VAC14: variants seen among roughly 807,000 people sequenced by gnomAD.
VAC14 encodes protein VAC14 homolog.
VAC14 carries 47 observed loss-of-function variants against 85.3 expected under a neutral mutation model. The ratio of observed to expected loss-of-function variants is 0.55; its 90% CI spans 0.44 to 0.70. VAC14 has a LOEUF of 0.70. Ranked by LOEUF, VAC14 falls within the 30% of genes least tolerant of loss-of-function variation. The pLI is 0.00. For missense variants in VAC14, 861 were observed against 1,004.3 expected (o/e 0.86, Z 1.93); for synonymous variants, 447 against 430.5 (o/e 1.04, Z -0.47).
At chr16:70,692,709 T>A (rs2053622004) in intron 18 of VAC14, 112 bp downstream of exon 18, 1 of 1,432,608 alleles carries the variant, frequency 7.0e-7, no homozygotes, top group Non-Finnish European at 9.4e-7. Flanking sequence ...AGGGGTGGGA[T>A]GCTGAAGTGA....
intron 14 of VAC14, among the ~76,000 whole-genome samples, chr16:70,721,436 C>A: frequency 6.6e-6 from 1 of 150,770 alleles, no homozygotes; most frequent in Non-Finnish European, 1.5e-5. Context: ...ACGAGAAAGA[C>A]GAGGGGGAGG....
intron 14 of VAC14, 80 bp from the exon 15 acceptor site, chr16:70,698,891 G>A: frequency 8.0e-7 from 1 of 1,256,498 alleles, no homozygotes. Context: ...CCTCCTCTTG[G>A]TTTTGCAGCG....
intron 10 of VAC14, chr16:70,768,595 G>T: frequency 3.1e-6 from 1 of 319,142 alleles, no homozygotes; most frequent in Non-Finnish European, 6.1e-6. Context: ...GCTAAGCCTG[G>T]GGCCACCAGG....
rs2032477498 is a variant in VAC14, at chr16:70,762,531, G to C, written c.1371+9C>G. 1.9e-6 allele frequency: 3 copies of C among 1,613,908 alleles called. No individual in the cohort carries two copies. The African/African-American group carries it at 4.0e-5, about 22-fold the overall frequency. On this transcript the variant is annotated intron_variant, in intron 12 of 18. Transcript: ENST00000261776. The surrounding 1 kb of genome is among the most constrained non-coding windows in gnomAD (Gnocchi z 4.1). ...TGTTCCATAAGTACGGGTGGCGTTG[G>C]TGACCTACCTCATCCGATTCATCCG...
At chr16:70,727,104 C>T (rs2054451393) in intron 14 of VAC14, among the ~76,000 whole-genome samples, 1 of 152,230 alleles carries the variant, frequency 6.6e-6, no homozygotes, top group Admixed American at 6.5e-5. Context: ...ATAGCAGCCG[C>T]TCCAGGTCCC....
At chr16:70,777,584 G>A (rs2033585920) in intron 9 of VAC14, among the ~76,000 whole-genome samples, 1 of 152,244 alleles carries the variant, frequency 6.6e-6, no homozygotes. Flanking sequence ...ACGGCACTGT[G>A]CTGTGGATGG....
intron 1 of VAC14, among the ~76,000 whole-genome samples, chr16:70,797,244 C>G (rs949934328): frequency 6.6e-6 from 1 of 152,182 alleles, no homozygotes; most frequent in Non-Finnish European, 1.5e-5. Flanking sequence ...TCCCTTCCAT[C>G]TTCAAAGCCA....
Position 70,785,689 on chromosome 16 carries a change from G to T in VAC14, c.423+13C>A. 1 of 1,548,102 alleles carries T rather than the reference G, an allele frequency of 6.5e-7. No individual in the cohort carries two copies. Among genetic ancestry groups the T allele is most frequent in the East Asian group, 2.4e-5 (1 of 41,504 alleles). On this transcript the variant is annotated intron_variant, in intron 3 of 18. Coordinates refer to ENST00000261776, the MANE Select transcript of VAC14 (RefSeq NM_018052.5). Reference sequence around the variant, plus strand: ...AAGCGCAGCTCAGTGAGGAGGAGGAGGAGGGCGGTTACCTTGCTCAGCCCG... The same window carrying T: ...AAGCGCAGCTCAGTGAGGAGGAGGATGAGGGCGGTTACCTTGCTCAGCCCG...
intron 1 of VAC14, among the ~76,000 whole-genome samples, chr16:70,791,010 CG>C (rs1320674655): frequency 1.3e-5 from 2 of 152,198 alleles, no homozygotes. Flanking sequence ...ATCTGTTCCA[CG>C]AATCAAGCCT....
intron 12 of VAC14, among the ~76,000 whole-genome samples, chr16:70,758,005 C>G (rs2032007537): frequency 6.6e-6 from 1 of 152,176 alleles, no homozygotes; most frequent in East Asian, 1.9e-4. Context: ...CTCAGTGTCA[C>G]CTGGGTAGAG....
intron 9 of VAC14, among the ~76,000 whole-genome samples, chr16:70,775,786 T>C (rs2033485875): frequency 6.6e-6 from 1 of 151,566 alleles, no homozygotes; most frequent in South Asian, 2.1e-4. Context: ...GATGAAATAA[T>C]GTGGCATCAG....
rs763955428 is a variant in VAC14, at chr16:70,783,510, G to A, written c.639C>T (p.Tyr213=). Residue 213 remains tyrosine (Y), a synonymous_variant, in exon 6 of 19, where the codon TAC becomes TAT. Coordinates refer to ENST00000261776, the MANE Select transcript of VAC14 (RefSeq NM_018052.5). ...ESVPDINLLD[Y]LPEILDGLFQ... is the part of the protein sequence containing the mutation. The stretch of plus-strand genomic sequence containing the variant: ...AGAGTCCATCCAGGATCTCCGGCAG[G>A]TAATCCAGCAGGTTAATGTCTGGCA... 6.2e-7 allele frequency: 1 copy of A among 1,614,094 alleles called. No individual in the cohort carries two copies. Among genetic ancestry groups the A allele is most frequent in the Admixed American group, 1.7e-5 (1 of 60,026 alleles).
chr16:70,768,864 G>T (rs1305074742), intron 10 of VAC14: 1 of 451,214 alleles, frequency 2.2e-6, no homozygotes, highest in African/African-American at 2.0e-5. Flanking sequence ...GCAGTGGCGC[G>T]ATCTCGGCTC....
At chr16:70,759,113 C>A (rs1335850032) in intron 12 of VAC14, among the ~76,000 whole-genome samples, 1 of 152,162 alleles carries the variant, frequency 6.6e-6, no homozygotes. Context: ...GGCTCTGCTG[C>A]GCCAGCTCTT....
chr16:70,747,514 G>A (rs904845850), intron 12 of VAC14: 1 of 150,124 alleles, frequency 6.7e-6, no homozygotes, highest in African/African-American at 2.5e-5. Context: ...GGGCGGGGGG[G>A]GCAAAACCCT....
intron 12 of VAC14, among the ~76,000 whole-genome samples, chr16:70,755,638 C>G (rs1051609966): frequency 5.3e-5 from 8 of 152,218 alleles, no homozygotes; most frequent in African/African-American, 1.9e-4. Context: ...ACAAGCCCCG[C>G]AGACTTCAGC....
chr16:70,702,112 C>T (rs959275224), intron 14 of VAC14, among the ~76,000 whole-genome samples: 3 of 152,254 alleles, frequency 2.0e-5, no homozygotes, highest in Non-Finnish European at 2.9e-5. Flanking sequence ...GACCCTCCAC[C>T]CCCTCCGCCA....
At chr16:70,699,250 A>G (rs1948624494) in intron 14 of VAC14, 2 of 193,430 alleles carry the variant, frequency 1.0e-5, no homozygotes, top group Admixed American at 1.1e-4. Flanking sequence ...TTCTCCACAC[A>G]TCGGTCACCT....
Position 70,783,558 on chromosome 16 carries a change from A to C in VAC14, c.595-4T>G, listed in dbSNP as rs747487957. On this transcript the variant is annotated splice_region_variant and splice_polypyrimidine_tract_variant and intron_variant, in intron 5 of 18. Coordinates refer to ENST00000261776, the MANE Select transcript of VAC14 (RefSeq NM_018052.5). ...GCACCGACTCCAGAACCAGGATCTG[A>C]CCAGGGGAAGGGAACAGGAGGGGAA... is the stretch of plus-strand genomic sequence containing the variant. 6.2e-7 allele frequency: 1 copy of C among 1,613,316 alleles called. No homozygotes were observed. The highest frequency in any genetic ancestry group is 8.5e-7 in the Non-Finnish European group (1 of 1,179,966).
Sources: allele counts gnomAD v4.1 joint callset (sites outside exome capture counted in the v4.1 genomes callset), GRCh38; gene constraint gnomAD v4.1.1; non-coding constraint Gnocchi (gnomAD v3.1); transcripts MANE v1.5; gene names NCBI Gene and HGNC (gene_info 2026-07-23, HGNC 2026-07-21).